Variants in DPYSL3 observed in about 807,000 individuals in gnomAD.
DPYSL3 encodes dihydropyrimidinase like 3, also known as dihydropyrimidinase-related protein 3.
DPYSL3 carries 16 observed loss-of-function variants against 66.1 expected under a neutral mutation model. That is an observed-to-expected ratio of 0.24 (90% confidence interval 0.16 to 0.37). The LOEUF is 0.37. DPYSL3 is among the 10% of genes least tolerant of loss of function. The pLI is 1.00. For synonymous variants in DPYSL3, 338 were observed against 345.1 expected (o/e 0.98, Z 0.23); for missense variants, 738 against 916.2 (o/e 0.81, Z 2.51).
At chr5:147,404,562 C>T (rs905703999) in intron 8 of DPYSL3, among the ~76,000 whole-genome samples, 1 of 152,204 alleles carries the variant, frequency 6.6e-6, no homozygotes, top group Admixed American at 6.5e-5. Context: ...TAAATCCTCT[C>T]ACAACCCAAC....
At chr5:147,482,914 A>G (rs1327318160) in intron 1 of DPYSL3, among the ~76,000 whole-genome samples, 1 of 152,220 alleles carries the variant, frequency 6.6e-6, no homozygotes, top group African/African-American at 2.4e-5. Context: ...CAGAAAAAAG[A>G]AAGTGTGTGA....
chr5:147,397,865 G>A lies in DPYSL3; in HGVS notation c.1624-20C>T. Reference sequence around the variant, plus strand: ...TGCCGCCTAGAGGCAGGGGTGAGAAGCAAAGCCACAGTAAGGGTAGAGAAA... The same window carrying A: ...TGCCGCCTAGAGGCAGGGGTGAGAAACAAAGCCACAGTAAGGGTAGAGAAA... On this transcript the variant is annotated intron_variant, in intron 11 of 13. Coordinates refer to ENST00000343218, the MANE Select transcript of DPYSL3 (RefSeq NM_001197294.2). The A allele has an allele frequency of 6.3e-7, 1 of 1,578,428 alleles. No individual in the cohort carries two copies. Among genetic ancestry groups the A allele is most frequent in the Admixed American group, 1.7e-5 (1 of 57,484 alleles).
intron 1 of DPYSL3, among the ~76,000 whole-genome samples, chr5:147,427,804 A>G (rs1449992315): frequency 1.3e-5 from 2 of 152,136 alleles, no homozygotes; most frequent in Admixed American, 1.3e-4. Context: ...CTTCATAATA[A>G]TAACAATCTT....
rs1752011976 is a variant in DPYSL3, at chr5:147,418,299, A to T, written c.655+148T>A. On this transcript the variant is annotated intron_variant, in intron 3 of 13. Transcript: ENST00000343218. ...GGGAGCTGCCCATTTCCTCAGCTCA[A>T]TCTGCTTTTCTCAGGTCCCATCAGG... is the stretch of plus-strand genomic sequence containing the variant. 4.0e-6 allele frequency: 3 copies of T among 752,022 alleles called. No homozygotes were observed. In the Admixed American group the frequency reaches 9.7e-5, roughly 24 times the overall value. 46.6% of individuals were successfully genotyped at this position (752,022 alleles called of 1,614,324 possible).
At chr5:147,454,618 T>C (rs1209762034) in intron 1 of DPYSL3, among the ~76,000 whole-genome samples, 1 of 152,224 alleles carries the variant, frequency 6.6e-6, no homozygotes, top group East Asian at 1.9e-4. Context: ...GGGAAGGCAG[T>C]AGCCCAGACA....
At chr5:147,401,511 C>A in intron 9 of DPYSL3, 29 bp downstream of exon 9, 1 of 1,587,618 alleles carries the variant, frequency 6.3e-7, no homozygotes, top group South Asian at 1.1e-5. Context: ...TTTCACAAAA[C>A]GCCTGCTGCT....
chr5:147,485,722 G>A (rs1290171211), intron 1 of DPYSL3, among the ~76,000 whole-genome samples: 1 of 152,176 alleles, frequency 6.6e-6, no homozygotes, highest in African/African-American at 2.4e-5. Context: ...GTTGGAAACA[G>A]CACTGACCTG....
At chr5:147,432,813 T>C (rs1351771837) in intron 1 of DPYSL3, among the ~76,000 whole-genome samples, 1 of 152,184 alleles carries the variant, frequency 6.6e-6, no homozygotes, top group Non-Finnish European at 1.5e-5. Context: ...ACTATCTTAG[T>C]CTCATAAATT....
chr5:147,461,147 A>G (rs1330060920), intron 1 of DPYSL3, among the ~76,000 whole-genome samples: 2 of 152,198 alleles, frequency 1.3e-5, no homozygotes, highest in African/African-American at 4.8e-5. Context: ...GGAGCCAGGC[A>G]TGGTCAACAT....
intron 1 of DPYSL3, among the ~76,000 whole-genome samples, chr5:147,426,499 C>T (rs1038541199): frequency 1.3e-5 from 2 of 152,092 alleles, no homozygotes; most frequent in Admixed American, 6.6e-5. Context: ...GAGAAGTCAG[C>T]TCTAGAATGC....
At chr5:147,443,126 C>T (rs1486319398) in intron 1 of DPYSL3, among the ~76,000 whole-genome samples, 2 of 152,142 alleles carry the variant, frequency 1.3e-5, no homozygotes, top group African/African-American at 4.8e-5. Context: ...AAAATATTGA[C>T]CCAGCAATCC....
intron 1 of DPYSL3, among the ~76,000 whole-genome samples, chr5:147,447,394 A>T (rs918677999): frequency 8.5e-5 from 13 of 152,190 alleles, no homozygotes; most frequent in Non-Finnish European, 1.9e-4. Context: ...TGAAATAGGC[A>T]TATGTTGATG....
At chr5:147,439,931 C>A (rs948176200) in intron 1 of DPYSL3, among the ~76,000 whole-genome samples, 4 of 152,184 alleles carry the variant, frequency 2.6e-5, no homozygotes, top group Non-Finnish European at 5.9e-5. Flanking sequence ...GACTTCACAA[C>A]TTTAAAACAG....
intron 1 of DPYSL3, among the ~76,000 whole-genome samples, chr5:147,486,836 T>C (rs1158621298): frequency 1.3e-5 from 2 of 152,218 alleles, no homozygotes; most frequent in African/African-American, 4.8e-5. Flanking sequence ...ATTTCCTGAA[T>C]GGTAAGCATA....
At chr5:147,466,248 C>T (rs907028562) in intron 1 of DPYSL3, among the ~76,000 whole-genome samples, 7 of 152,098 alleles carry the variant, frequency 4.6e-5, no homozygotes, top group African/African-American at 1.7e-4. Context: ...TATGCCCCTG[C>T]CTGGTTTATG....
At chr5:147,402,838 T>C (rs1758233214) in intron 8 of DPYSL3, among the ~76,000 whole-genome samples, 1 of 152,186 alleles carries the variant, frequency 6.6e-6, no homozygotes, top group Admixed American at 6.5e-5. Flanking sequence ...GCTGTTTAGC[T>C]TCTTTAAGAA....
At chr5:147,451,289 T>C (rs770443902) in intron 1 of DPYSL3, among the ~76,000 whole-genome samples, 4 of 152,216 alleles carry the variant, frequency 2.6e-5, no homozygotes, top group Non-Finnish European at 4.4e-5. Context: ...AACCACTGTC[T>C]ACTCCTGTTA....
chr5:147,506,421 G>A (rs765642025), intron 1 of DPYSL3, among the ~76,000 whole-genome samples: 98 of 152,192 alleles, frequency 6.4e-4, no homozygotes, highest in African/African-American at 1.6e-3. Context: ...CATATGTTCC[G>A]TAAAAGTCCA....
At chr5:147,480,905 A>G (rs1753229565) in intron 1 of DPYSL3, among the ~76,000 whole-genome samples, 1 of 151,880 alleles carries the variant, frequency 6.6e-6, no homozygotes, top group African/African-American at 2.4e-5. Flanking sequence ...TATTTTTAGT[A>G]GAGACAGGGT....
Sources: gnomAD v4.1 joint callset for allele counts (sites outside exome capture counted in the v4.1 genomes callset) on GRCh38, gnomAD v4.1.1 for gene constraint, MANE v1.5 for transcripts, NCBI Gene and HGNC (gene_info 2026-07-23, HGNC 2026-07-21) for gene names.